The following CNTN6 variants were observed in gnomAD, a reference collection of about 807,000 sequenced individuals.
The protein encoded by CNTN6 is contactin 6, also known as contactin-6.
In CNTN6, 137 loss-of-function variants were observed where a neutral mutation model predicts 122.8. The ratio of observed to expected loss-of-function variants is 1.12; its 90% CI spans 0.97 to 1.29. The LOEUF (loss-of-function observed/expected upper bound fraction) is 1.29. Ranked by LOEUF, CNTN6 falls within the 50% of genes most tolerant of loss-of-function variation. The probability of loss-of-function intolerance (pLI) is 0.00; values close to 1 mark genes in which losing one functional copy is unlikely to be tolerated. For missense variants in CNTN6, 1,634 were observed against 1,223.4 expected, an observed-to-expected ratio of 1.34 and a Z score of -5.01; for synonymous variants, 570 against 426.0, an observed-to-expected ratio of 1.34 and a Z score of -4.16.
At position 1,156,608 on chromosome 3, in the gene CNTN6, C is replaced by T. The variant is rs565647968; in HGVS notation, c.55+8545C>T. Among the ~76,000 whole-genome samples, 93 of 149,466 alleles carry T rather than the reference C, an allele frequency of 6.2e-4. No individual in the cohort carries two copies. In the South Asian group the frequency reaches 0.01, roughly 16 times the overall value. On this transcript the variant is annotated intron_variant, in intron 2 of 22. Coordinates refer to ENST00000446702, the MANE Select transcript of CNTN6 (RefSeq NM_001289080.2). ...AGTCTCAGACTTTCTTTCTTTCTTT[C>T]TTTTTCTTTTCTTTCTTTCTTTCTC...
At chr3:1,175,101 G>A (rs115181347) in intron 2 of CNTN6, among the ~76,000 whole-genome samples, 1 of 151,636 alleles carries the variant, frequency 6.6e-6, no homozygotes, top group Non-Finnish European at 1.5e-5. Flanking sequence ...AGGCATGGTG[G>A]TGTGCCTGTA....
chr3:1,303,926 C>T (rs1404029332), intron 7 of CNTN6, among the ~76,000 whole-genome samples: 3 of 152,170 alleles, frequency 2.0e-5, no homozygotes, highest in Non-Finnish European at 4.4e-5. Flanking sequence ...AGTTTTTCTT[C>T]TCTGGCATAG....
rs751604807 is a variant in CNTN6, at chr3:1,220,774, T to A, written c.143T>A (p.Leu48Gln). The A allele has an allele frequency of 1.9e-6, 3 of 1,612,784 alleles. No individual in the cohort carries two copies. The highest frequency in any genetic ancestry group is 2.5e-6 in the Non-Finnish European group (3 of 1,179,290). Residue 48 changes from leucine to glutamine, a missense_variant, in exon 3 of 23, where the codon CTG becomes CAG. Physicochemically the swap from Leu to Gln is moderately radical, Grantham distance 113 (BLOSUM62 -2). Coordinates refer to ENST00000446702, the MANE Select transcript of CNTN6 (RefSeq NM_001289080.2). ...PLDLSKSEVI[L>Q]NCAANGYPSP... ...GATTTATCAAAATCTGAGGTCATCC[T>A]GAATTGTGCTGCTAATGGTTACCCT...
At chr3:1,146,212 C>T (rs2092719650) in intron 1 of CNTN6, among the ~76,000 whole-genome samples, 2 of 152,134 alleles carry the variant, frequency 1.3e-5, no homozygotes, top group South Asian at 2.1e-4. Flanking sequence ...GTACAGCATT[C>T]ATATGCATTA....
chr3:1,322,782 C>T lies in CNTN6; in HGVS notation c.946+948C>T, dbSNP rs553689747. Among the ~76,000 whole-genome samples the T allele has an allele frequency of 2.4e-4, 37 of 151,462 alleles. 1 individual carries two copies. Among genetic ancestry groups the T allele is most frequent in the Admixed American group, 7.9e-4 (12 of 15,144 alleles). On this transcript the variant is annotated intron_variant, in intron 8 of 22. Coordinates refer to ENST00000446702, the MANE Select transcript of CNTN6 (RefSeq NM_001289080.2). ...TTTCCATTTTCTTTAGAATTTCCAA[C>T]TTTAACCTGCAATGAATACTACTAT...
chr3:1,403,924 G>C lies in CNTN6; in HGVS notation c.*506G>C, dbSNP rs1696032370. On this transcript the variant is annotated 3_prime_UTR_variant, in exon 23 of 23. Coordinates refer to ENST00000446702, the MANE Select transcript of CNTN6 (RefSeq NM_001289080.2). ...TTATCTCTGAATCAAGTTGGAATAA[G>C]AAATCTTTTTACTCAAGAATATTTC... 1 of 152,090 alleles carries C rather than the reference G, an allele frequency of 6.6e-6. No homozygotes were observed. The highest frequency in any genetic ancestry group is 6.6e-5 in the Admixed American group (1 of 15,240). The allele number at this position is 152,090 out of a possible 1,614,324, so 9.4% of individuals were successfully genotyped here.
chr3:1,316,172 A>G (rs1700073843), intron 7 of CNTN6, among the ~76,000 whole-genome samples: 1 of 151,906 alleles, frequency 6.6e-6, no homozygotes. Context: ...GTGTACTATT[A>G]CTAATTACCA....
At chr3:1,143,667 A>G (rs1237381573) in intron 1 of CNTN6, among the ~76,000 whole-genome samples, 1 of 152,170 alleles carries the variant, frequency 6.6e-6, no homozygotes, top group African/African-American at 2.4e-5. Context: ...GGCAATTTAA[A>G]CTTTCACAAA....
At chr3:1,257,475 C>T (rs1267991245) in intron 4 of CNTN6, among the ~76,000 whole-genome samples, 5 of 151,988 alleles carry the variant, frequency 3.3e-5, no homozygotes, top group Non-Finnish European at 7.4e-5. Context: ...TTCATTAATT[C>T]CTTCGAGGCC....
chr3:1,097,142 C>T (rs779610401), intron 1 of CNTN6, among the ~76,000 whole-genome samples: 26 of 152,090 alleles, frequency 1.7e-4, no homozygotes, highest in African/African-American at 6.0e-4. Flanking sequence ...ACGGTAAAGG[C>T]GTAACACAGG....
At chr3:1,367,838 C>T (rs545980066) in intron 12 of CNTN6, among the ~76,000 whole-genome samples, 1 of 152,180 alleles carries the variant, frequency 6.6e-6, no homozygotes, top group African/African-American at 2.4e-5. Context: ...CAGTGGATGG[C>T]AGCAAAGGCT....
chr3:1,203,513 T>C (rs1172400046), intron 2 of CNTN6, among the ~76,000 whole-genome samples: 4 of 152,202 alleles, frequency 2.6e-5, no homozygotes, highest in Non-Finnish European at 5.9e-5. Context: ...CTGAAGAAGG[T>C]AGAAAGCCAT....
chr3:1,241,568 A>G (rs1168027812), intron 4 of CNTN6, among the ~76,000 whole-genome samples: 1 of 152,174 alleles, frequency 6.6e-6, no homozygotes, highest in Non-Finnish European at 1.5e-5. Flanking sequence ...TGGGTATTAA[A>G]GGACTAAGAA....
At chr3:1,214,716 C>T (rs1425038723) in intron 2 of CNTN6, among the ~76,000 whole-genome samples, 1 of 152,064 alleles carries the variant, frequency 6.6e-6, no homozygotes, top group African/African-American at 2.4e-5. Context: ...TAAAATGGTA[C>T]TGTTTAAAAT....
intron 7 of CNTN6, among the ~76,000 whole-genome samples, chr3:1,315,590 C>A (rs913265665): frequency 2.6e-5 from 4 of 151,964 alleles, no homozygotes; most frequent in African/African-American, 9.7e-5. Context: ...ACATAGTAAG[C>A]ACTCAGTTAA....
intron 1 of CNTN6, among the ~76,000 whole-genome samples, chr3:1,125,452 T>A (rs1857701): frequency 6.6e-6 from 1 of 151,796 alleles, no homozygotes; most frequent in Non-Finnish European, 1.5e-5. Flanking sequence ...ATTGCTGGTG[T>A]TCCCTGGCAG....
chr3:1,259,447 G>A (rs867193753), intron 4 of CNTN6, among the ~76,000 whole-genome samples: 6 of 151,894 alleles, frequency 4.0e-5, no homozygotes, highest in Non-Finnish European at 5.9e-5. Flanking sequence ...AATTAATGAC[G>A]TGTCACATAT....
chr3:1,334,497 C>A (rs2126015078), intron 11 of CNTN6, among the ~76,000 whole-genome samples: 1 of 151,950 alleles, frequency 6.6e-6, no homozygotes, highest in South Asian at 2.1e-4. Context: ...ACAGAGATTA[C>A]ATTTTAGAAA....
chr3:1,254,097 A>T (rs6805259), intron 4 of CNTN6, among the ~76,000 whole-genome samples: 1 of 152,078 alleles, frequency 6.6e-6, no homozygotes, highest in Non-Finnish European at 1.5e-5. Flanking sequence ...ACAGATTTTT[A>T]TTTAAATGTG....
Sources: allele counts gnomAD v4.1 joint callset (sites outside exome capture counted in the v4.1 genomes callset), GRCh38; gene constraint gnomAD v4.1.1; transcripts MANE v1.5; gene names NCBI Gene and HGNC (gene_info 2026-07-23, HGNC 2026-07-21).